CTNNBIP1: variants seen among roughly 807,000 people sequenced by gnomAD.
The protein encoded by CTNNBIP1 is beta-catenin-interacting protein 1.
CTNNBIP1 carries 7 observed loss-of-function variants against 11.8 expected under a neutral mutation model. The observed-to-expected ratio is 0.60, with a 90% CI of 0.34 to 1.12. The LOEUF (loss-of-function observed/expected upper bound fraction) is 1.12, where lower values mean the gene tolerates loss of function less well. Ranked by LOEUF, CTNNBIP1 falls within the 50% of genes most tolerant of loss-of-function variation. CTNNBIP1 has a pLI of 0.03. For missense variants in CTNNBIP1, 101 were observed against 113.4 expected (o/e 0.89, Z 0.50); for synonymous variants, 58 against 43.9 (o/e 1.32, Z -1.26).
chr1:9,894,905 ATTT>A (rs1175181254), intron 1 of CTNNBIP1, among the ~76,000 whole-genome samples: 4 of 102,210 alleles, frequency 3.9e-5, no homozygotes, highest in Admixed American at 1.0e-4. Flanking sequence ...ATGCCTGGCT[ATTT>A]TTTTTTTTTT....
chr1:9,897,233 T>G (rs1229905912), intron 1 of CTNNBIP1, among the ~76,000 whole-genome samples: 1 of 151,736 alleles, frequency 6.6e-6, no homozygotes, highest in Non-Finnish European at 1.5e-5. Context: ...GGCGGGCGGA[T>G]CACGAGGTCA....
intron 5 of CTNNBIP1, among the ~76,000 whole-genome samples, chr1:9,865,849 G>A (rs538529036): frequency 3.3e-5 from 5 of 152,152 alleles, no homozygotes; most frequent in African/African-American, 1.2e-4. Flanking sequence ...AAATCACTAC[G>A]CATTAGAGGG....
At chr1:9,902,817 G>A (rs1028037301) in intron 1 of CTNNBIP1, among the ~76,000 whole-genome samples, 2 of 151,760 alleles carry the variant, frequency 1.3e-5, no homozygotes, top group South Asian at 2.1e-4. Flanking sequence ...CCAGGCTGGA[G>A]TGCAATGGTG....
intron 1 of CTNNBIP1, among the ~76,000 whole-genome samples, chr1:9,889,457 G>A (rs1039539423): frequency 3.9e-5 from 6 of 152,102 alleles, no homozygotes; most frequent in South Asian, 2.1e-4. Flanking sequence ...CGGAGCTGCC[G>A]ATTGCACCAG....
At chr1:9,863,091 G>A (rs1381721172) in intron 5 of CTNNBIP1, among the ~76,000 whole-genome samples, 1 of 152,034 alleles carries the variant, frequency 6.6e-6, no homozygotes, top group East Asian at 1.9e-4. Context: ...GCCAGGTGCT[G>A]AGTAAGCAGC....
rs1181277374 is a variant in CTNNBIP1, at chr1:9,867,165, G to C, written c.187+4022C>G. ...AGCCCTGATTGAGGGAAGGGAGTGGGAAACAGCCAGTGAGGGGTGACGTGA... is the reference window on the plus strand; with the variant it reads ...AGCCCTGATTGAGGGAAGGGAGTGGCAAACAGCCAGTGAGGGGTGACGTGA... On this transcript the variant is annotated intron_variant, in intron 5 of 5. Coordinates refer to ENST00000377263, the MANE Select transcript of CTNNBIP1 (RefSeq NM_020248.3). This position sits in a 1 kb window ranked among gnomAD's most constrained non-coding sequence, Gnocchi z 4.6. Among the ~76,000 whole-genome samples, 5 of 152,192 alleles carry C rather than the reference G, an allele frequency of 3.3e-5. No homozygotes were observed. Among genetic ancestry groups the C allele is most frequent in the Non-Finnish European group, 2.9e-5 (2 of 68,036 alleles).
Position 9,851,089 on chromosome 1 carries a change from G to A in CTNNBIP1, c.188-313C>T, listed in dbSNP as rs919690188. Among the ~76,000 whole-genome samples the A allele has an allele frequency of 6.6e-6, 1 of 152,194 alleles. No individual in the cohort carries two copies. The highest frequency in any genetic ancestry group is 2.1e-4 in the South Asian group (1 of 4,834). ...CAGGTGACCTGGAGCAGGGCTCAGCGCTGCTCACAGCCCTTGCTCCAGAGT... is the reference window on the plus strand; with the variant it reads ...CAGGTGACCTGGAGCAGGGCTCAGCACTGCTCACAGCCCTTGCTCCAGAGT... On this transcript the variant is annotated intron_variant, in intron 5 of 5. Coordinates refer to ENST00000377263, the MANE Select transcript of CTNNBIP1 (RefSeq NM_020248.3). This position sits in a 1 kb window ranked among gnomAD's most constrained non-coding sequence, Gnocchi z 4.8.
At chr1:9,897,807 C>T (rs989365154) in intron 1 of CTNNBIP1, among the ~76,000 whole-genome samples, 5 of 151,736 alleles carry the variant, frequency 3.3e-5, no homozygotes, top group African/African-American at 4.8e-5. Flanking sequence ...AGTGAGACTC[C>T]GTCTCAAAAA....
At chr1:9,884,021 C>G (rs1472382054) in intron 1 of CTNNBIP1, among the ~76,000 whole-genome samples, 2 of 151,948 alleles carry the variant, frequency 1.3e-5, no homozygotes, top group Non-Finnish European at 2.9e-5. Flanking sequence ...GGGCAGGGAG[C>G]AGAGGAAGGG....
In CTNNBIP1 at chr1:9,850,765, C is replaced by G; in HGVS notation, c.199G>C (p.Val67Leu). ...TCCGACCTGGAAAACGCCATCACCACGTCCTCTGCACCTGCAGATAAGGCG... is the reference window on the plus strand; with the variant it reads ...TCCGACCTGGAAAACGCCATCACCAGGTCCTCTGCACCTGCAGATAAGGCG... ...PHSIDQGAEDVVMAFSRSETE... is the reference protein window; with the variant it reads ...PHSIDQGAEDLVMAFSRSETE... Residue 67 changes from valine (V) to leucine (L), a missense_variant, in exon 6 of 6, where the codon GTG (valine) becomes CTG (leucine). Val to Leu is a conservative substitution (Grantham distance 32). Coordinates refer to ENST00000377263, the MANE Select transcript of CTNNBIP1 (RefSeq NM_020248.3). The G allele has an allele frequency of 6.2e-7, 1 of 1,613,900 alleles. No homozygotes were observed. Among genetic ancestry groups the G allele is most frequent in the Non-Finnish European group, 8.5e-7 (1 of 1,179,864 alleles).
intron 1 of CTNNBIP1, among the ~76,000 whole-genome samples, chr1:9,908,748 CACTT>C (rs1191745907): frequency 6.6e-6 from 1 of 152,204 alleles, no homozygotes; most frequent in East Asian, 1.9e-4. Flanking sequence ...TTTGTTTACT[CACTT>C]ATTGTCTGAC....
At chr1:9,880,886 G>T (rs554927322) in intron 2 of CTNNBIP1, among the ~76,000 whole-genome samples, 101 of 152,296 alleles carry the variant, frequency 6.6e-4, no homozygotes, top group African/African-American at 2.4e-3. Flanking sequence ...CTGTAGAAAG[G>T]AGATAGATCG....
At chr1:9,853,570 G>T (rs1638435509) in intron 5 of CTNNBIP1, among the ~76,000 whole-genome samples, 1 of 152,178 alleles carries the variant, frequency 6.6e-6, no homozygotes, top group African/African-American at 2.4e-5. Context: ...TAGTCTCGCT[G>T]TCCTGGATGC....
intron 2 of CTNNBIP1, among the ~76,000 whole-genome samples, chr1:9,882,503 A>G (rs1485955718): frequency 6.6e-6 from 1 of 152,236 alleles, no homozygotes; most frequent in African/African-American, 2.4e-5. Context: ...GGCCCGAAGC[A>G]GGAAGAGTTG....
At chr1:9,850,849 T>C (rs1206648552) in intron 5 of CTNNBIP1, 73 bp from the exon 6 acceptor site, 2 of 1,457,100 alleles carry the variant, frequency 1.4e-6, no homozygotes, top group Non-Finnish European at 1.9e-6. Context: ...GCAAGGAGGC[T>C]GCGGCCAAGC....
intron 1 of CTNNBIP1, among the ~76,000 whole-genome samples, chr1:9,894,816 C>T (rs922209755): frequency 3.9e-5 from 6 of 152,086 alleles, no homozygotes; most frequent in Non-Finnish European, 1.5e-5. Flanking sequence ...TCTCTGCTCA[C>T]TGCAATTTCC....
chr1:9,881,616 G>A (rs1390465777), intron 2 of CTNNBIP1, among the ~76,000 whole-genome samples: 1 of 151,980 alleles, frequency 6.6e-6, no homozygotes, highest in African/African-American at 2.4e-5. Context: ...TGGGATTATA[G>A]GCATGAGCCA....
At chr1:9,902,552 G>A (rs1435863577) in intron 1 of CTNNBIP1, among the ~76,000 whole-genome samples, 1 of 152,012 alleles carries the variant, frequency 6.6e-6, no homozygotes, top group African/African-American at 2.4e-5. Context: ...CTCTTCCCTT[G>A]CTCTTCTGGA....
intron 1 of CTNNBIP1, among the ~76,000 whole-genome samples, chr1:9,897,171 G>A (rs1056538436): frequency 1.3e-5 from 2 of 149,974 alleles, no homozygotes; most frequent in South Asian, 2.1e-4. Context: ...AACAAAAAAC[G>A]TGGCCAGGCA....
Sources: allele counts gnomAD v4.1 joint callset (sites outside exome capture counted in the v4.1 genomes callset), GRCh38; gene constraint gnomAD v4.1.1; non-coding constraint Gnocchi (gnomAD v3.1); transcripts MANE v1.5; gene names NCBI Gene and HGNC (gene_info 2026-07-23, HGNC 2026-07-21).